GALNT2: variants seen among roughly 807,000 people sequenced by gnomAD.
GALNT2 encodes the protein UDP-GalNAc:polypeptide N-acetylgalactosaminyltransferase 2.
In GALNT2, 31 loss-of-function variants were observed where a neutral mutation model predicts 81.4. The observed-to-expected ratio is 0.38, with a 90% CI of 0.29 to 0.51. The LOEUF (loss-of-function observed/expected upper bound fraction) is 0.51, where lower values mean the gene tolerates loss of function less well. Ranked by LOEUF, GALNT2 falls within the 20% of genes least tolerant of loss-of-function variation. The probability of loss-of-function intolerance (pLI) is 0.87; values close to 1 mark genes in which losing one functional copy is unlikely to be tolerated. For missense variants in GALNT2, 629 were observed against 765.7 expected (o/e 0.82, Z 2.11); for synonymous variants, 303 against 287.4 (o/e 1.05, Z -0.55).
chr1:230,083,748 G>T (rs1659817899), intron 1 of GALNT2, among the ~76,000 whole-genome samples: 1 of 152,250 alleles, frequency 6.6e-6, no homozygotes, highest in Non-Finnish European at 1.5e-5. Flanking sequence ...AGGAATGACA[G>T]TGGGGGTTAC....
intron 1 of GALNT2, among the ~76,000 whole-genome samples, chr1:230,114,092 G>C (rs1355925327): frequency 6.6e-6 from 1 of 152,126 alleles, no homozygotes; most frequent in Non-Finnish European, 1.5e-5. Context: ...TTTCCTTTCA[G>C]TTCGGAGCTG....
At chr1:230,222,031 C>CTCTTTTTTTTTTTTTTTTTTTT (rs1553270493) in intron 3 of GALNT2, among the ~76,000 whole-genome samples, 124 of 96,116 alleles carry the variant, frequency 1.3e-3, no homozygotes, top group Non-Finnish European at 2.0e-3. Flanking sequence ...CTGCTTTTCT[C>CTCTTTTTTTTTTTTTTTTTTTT]TTTTTTTTTT....
chr1:230,216,941 A>G (rs950967094), intron 3 of GALNT2, among the ~76,000 whole-genome samples: 3 of 152,234 alleles, frequency 2.0e-5, no homozygotes, highest in African/African-American at 7.2e-5. Flanking sequence ...CCCAATAGGA[A>G]TATTGTACTT....
chr1:230,062,414 T>C (rs916597296), upstream of GALNT2, among the ~76,000 whole-genome samples: 1 of 152,218 alleles, frequency 6.6e-6, no homozygotes, highest in Non-Finnish European at 1.5e-5. Flanking sequence ...ATTTTAAGTG[T>C]ATAATTCTGT....
At chr1:230,177,061 T>G (rs989808518) in intron 1 of GALNT2, among the ~76,000 whole-genome samples, 1 of 151,860 alleles carries the variant, frequency 6.6e-6, no homozygotes, top group Non-Finnish European at 1.5e-5. Flanking sequence ...GATGGGGGAG[T>G]CTTAGGCACA....
chr1:230,143,435 T>TC (rs1661812707), intron 1 of GALNT2, among the ~76,000 whole-genome samples: 1 of 152,168 alleles, frequency 6.6e-6, no homozygotes, highest in Admixed American at 6.5e-5. Context: ...GTGTGCAGGT[T>TC]CCACAGTCAC....
Position 230,193,113 on chromosome 1 carries a change from G to A in GALNT2, c.221-10024G>A, listed in dbSNP as rs1663581034. Among the ~76,000 whole-genome samples the A allele has an allele frequency of 6.6e-6, 1 of 152,162 alleles. No homozygotes were observed. The highest frequency in any genetic ancestry group is 1.5e-5 in the Non-Finnish European group (1 of 68,032). ...TGTCCTTTGATATTAAATACATTCTGTTTCCCTTCCTTGGCTGCTTTCCCA... is the reference window on the plus strand; with the variant it reads ...TGTCCTTTGATATTAAATACATTCTATTTCCCTTCCTTGGCTGCTTTCCCA... On this transcript the variant is annotated intron_variant, in intron 2 of 15. Coordinates refer to ENST00000366672, the MANE Select transcript of GALNT2 (RefSeq NM_004481.5). The surrounding 1 kb of genome is among the most constrained non-coding windows in gnomAD (Gnocchi z 4.3).
At chr1:230,114,905 A>G (rs1394498506) in intron 1 of GALNT2, among the ~76,000 whole-genome samples, 1 of 151,942 alleles carries the variant, frequency 6.6e-6, no homozygotes, top group East Asian at 1.9e-4. Context: ...CCCAACATCC[A>G]GCTTCCCCTA....
At chr1:230,148,259 G>A (rs1661984732) in intron 1 of GALNT2, among the ~76,000 whole-genome samples, 1 of 152,230 alleles carries the variant, frequency 6.6e-6, no homozygotes, top group South Asian at 2.1e-4. Context: ...AGTGCACTCA[G>A]AGGGAGAGCC....
chr1:230,241,072 T>C (rs911544318), intron 6 of GALNT2, among the ~76,000 whole-genome samples: 1 of 152,228 alleles, frequency 6.6e-6, no homozygotes, highest in African/African-American at 2.4e-5. Context: ...ATAGTTTTTA[T>C]TTCTCTGCTC....
chr1:230,107,531 G>A (rs1660575815), intron 1 of GALNT2, among the ~76,000 whole-genome samples: 1 of 151,626 alleles, frequency 6.6e-6, no homozygotes, highest in Non-Finnish European at 1.5e-5. Context: ...AGTGAGCTAT[G>A]ATTGTGCCAC....
intron 3 of GALNT2, among the ~76,000 whole-genome samples, chr1:230,207,715 A>AGT (rs1268283775): frequency 7.9e-5 from 12 of 151,986 alleles, no homozygotes; most frequent in African/African-American, 2.9e-4. Flanking sequence ...CAGCCTCCTG[A>AGT]GTAGCTGGGA....
intron 1 of GALNT2, among the ~76,000 whole-genome samples, chr1:230,136,354 C>A (rs1661538046): frequency 6.6e-6 from 1 of 152,222 alleles, no homozygotes; most frequent in Non-Finnish European, 1.5e-5. Flanking sequence ...CTCTGATAAC[C>A]CTGCCATAGA....
intron 1 of GALNT2, among the ~76,000 whole-genome samples, chr1:230,118,717 A>G (rs1000984997): frequency 6.7e-6 from 1 of 149,052 alleles, no homozygotes; most frequent in Non-Finnish European, 1.5e-5. Context: ...TCCTCCCCGC[A>G]CTGTCTCGGT....
At chr1:230,157,733 G>A (rs1480309876) in intron 1 of GALNT2, among the ~76,000 whole-genome samples, 3 of 152,174 alleles carry the variant, frequency 2.0e-5, no homozygotes, top group African/African-American at 7.2e-5. Context: ...CAGGTCCAAA[G>A]GCTACATACT....
rs373799338 is a variant in GALNT2 at position 230,250,448 on chromosome 1, C to T, written c.906-9C>T. 6.8e-6 allele frequency: 11 copies of T among 1,610,116 alleles called. No individual in the cohort carries two copies. The highest frequency in any genetic ancestry group is 5.3e-5 in the African/African-American group (4 of 74,782). On this transcript the variant is annotated splice_polypyrimidine_tract_variant and intron_variant, in intron 9 of 15. Coordinates refer to ENST00000366672, the MANE Select transcript of GALNT2 (RefSeq NM_004481.5). Reference sequence around the variant, plus strand: ...TCCTCCCTCCCCCCTCTTCTTTCTGCCTCTTTAGAACCCCCATGATTGCTG... The same window carrying T: ...TCCTCCCTCCCCCCTCTTCTTTCTGTCTCTTTAGAACCCCCATGATTGCTG...
chr1:230,263,245 C>T, intron 13 of GALNT2: 1 of 510,138 alleles, frequency 2.0e-6, no homozygotes, highest in Non-Finnish European at 3.5e-6. Context: ...AGAGGCAGTC[C>T]CCCGGGCCTC....
chr1:230,111,007 G>A (rs1428734359), intron 1 of GALNT2, among the ~76,000 whole-genome samples: 1 of 152,202 alleles, frequency 6.6e-6, no homozygotes, highest in Non-Finnish European at 1.5e-5. Context: ...ATGTGTGTGC[G>A]TGTGTCTGCA....
chr1:230,265,229 G>A lies in GALNT2; in HGVS notation c.1314-12G>A, dbSNP rs369787906. 62 of 1,614,084 alleles carry A rather than the reference G, an allele frequency of 3.8e-5. No homozygotes were observed. The highest frequency in any genetic ancestry group is 1.2e-4 in the Admixed American group (7 of 60,004). ...GTGCAGTGAAGCAGGTGATTCTCAC[G>A]TTGTTTTTCAGGGTTCCAGACCATC... On this transcript the variant is annotated splice_polypyrimidine_tract_variant and intron_variant, in intron 13 of 15. Coordinates refer to ENST00000366672, the MANE Select transcript of GALNT2 (RefSeq NM_004481.5).
Sources: allele counts gnomAD v4.1 joint callset (sites outside exome capture counted in the v4.1 genomes callset), GRCh38; gene constraint gnomAD v4.1.1; non-coding constraint Gnocchi (gnomAD v3.1); transcripts MANE v1.5; gene names NCBI Gene and HGNC (gene_info 2026-07-23, HGNC 2026-07-21).